Variants in ANO4 observed in about 807,000 individuals in gnomAD.
ANO4 encodes the protein anoctamin 4, also known as anoctamin-4.
In ANO4, 69 loss-of-function variants were observed where a neutral mutation model predicts 141.9. The observed-to-expected ratio is 0.49, with a 90% CI of 0.40 to 0.59. ANO4 has a LOEUF of 0.59. Among genes scored for constraint, ANO4 ranks in the 20% least tolerant of loss-of-function variants. The pLI is 0.00. For missense variants in ANO4, 894 were observed against 1,162.2 expected (o/e 0.77, Z 3.36); for synonymous variants, 350 against 394.3 (o/e 0.89, Z 1.33).
chr12:100,975,964 A>T (rs1461851857), intron 7 of ANO4, among the ~76,000 whole-genome samples: 3 of 147,648 alleles, frequency 2.0e-5, no homozygotes, highest in African/African-American at 7.5e-5. Flanking sequence ...AACCCACCAG[A>T]TGAAGATTGC....
intron 14 of ANO4, among the ~76,000 whole-genome samples, chr12:101,063,400 T>C (rs575207955): frequency 4.4e-4 from 67 of 152,384 alleles, no homozygotes; most frequent in Admixed American, 7.8e-4. Context: ...AATAATAGGA[T>C]GATCTTGCAT....
intron 1 of ANO4, among the ~76,000 whole-genome samples, chr12:100,869,453 C>T (rs566678306): frequency 8.3e-4 from 127 of 152,178 alleles, no homozygotes; most frequent in Non-Finnish European, 1.6e-3. Context: ...CAAATCTGTC[C>T]CCATGGGCAA....
At chr12:100,920,543 T>A (rs1241689828) in intron 2 of ANO4, among the ~76,000 whole-genome samples, 1 of 152,004 alleles carries the variant, frequency 6.6e-6, no homozygotes, top group Non-Finnish European at 1.5e-5. Context: ...TAACTGGCCA[T>A]GGAAGAAAAA....
intron 16 of ANO4, among the ~76,000 whole-genome samples, chr12:101,084,726 C>CTT (rs2049413839): frequency 1.3e-5 from 2 of 152,202 alleles, no homozygotes; most frequent in Admixed American, 1.3e-4. Context: ...CTGTGTCATG[C>CTT]TTTGCCTTCT....
chr12:100,923,155 A>G (rs778731583), intron 3 of ANO4, among the ~76,000 whole-genome samples: 3 of 151,974 alleles, frequency 2.0e-5, no homozygotes, highest in Non-Finnish European at 4.4e-5. Context: ...TTATTATTAT[A>G]CTTTAAGTTC....
intron 1 of ANO4, among the ~76,000 whole-genome samples, chr12:100,809,701 C>T (rs773010973): frequency 3.3e-5 from 5 of 152,252 alleles, no homozygotes; most frequent in Admixed American, 6.5e-5. Context: ...ATATGACATG[C>T]GCAAGAGGTT....
chr12:101,083,317 T>C (rs923836834), intron 15 of ANO4, among the ~76,000 whole-genome samples: 3 of 152,216 alleles, frequency 2.0e-5, no homozygotes, highest in Non-Finnish European at 4.4e-5. Context: ...TCTCTGGTAA[T>C]AAAAGTAAAA....
At chr12:100,797,841 C>T (rs1176518964) in intron 1 of ANO4, among the ~76,000 whole-genome samples, 1 of 152,152 alleles carries the variant, frequency 6.6e-6, no homozygotes, top group Non-Finnish European at 1.5e-5. Flanking sequence ...TACATGTACA[C>T]AGACAAACTC....
intron 22 of ANO4, among the ~76,000 whole-genome samples, chr12:101,108,829 C>G (rs2050552095): frequency 6.6e-6 from 1 of 151,926 alleles, no homozygotes; most frequent in Non-Finnish European, 1.5e-5. Flanking sequence ...GTTTCTATAC[C>G]TTACTTTTGC....
intron 22 of ANO4, among the ~76,000 whole-genome samples, chr12:101,102,542 T>G (rs190855562): frequency 1.0e-3 from 156 of 152,326 alleles, no homozygotes; most frequent in Non-Finnish European, 1.4e-3. Flanking sequence ...ATGTTTTTTT[T>G]GTGGGTATCT....
At chr12:100,927,118 G>A (rs761680546) in intron 3 of ANO4, among the ~76,000 whole-genome samples, 1 of 152,152 alleles carries the variant, frequency 6.6e-6, no homozygotes, top group Non-Finnish European at 1.5e-5. Context: ...AAGGTGGGCA[G>A]CTCAGTAGTA....
chr12:100,731,237 A>G (rs2031367159), intron 1 of ANO4, among the ~76,000 whole-genome samples: 1 of 152,236 alleles, frequency 6.6e-6, no homozygotes, highest in Non-Finnish European at 1.5e-5. Context: ...CATAATGTTC[A>G]AATGTTGCCT....
intron 15 of ANO4, among the ~76,000 whole-genome samples, chr12:101,080,045 C>G (rs371099512): frequency 1.3e-5 from 2 of 152,196 alleles, no homozygotes; most frequent in Non-Finnish European, 2.9e-5. Context: ...TATCTCTTAC[C>G]CCTCCTGAGT....
intron 1 of ANO4, among the ~76,000 whole-genome samples, chr12:100,805,379 A>G (rs918903826): frequency 1.3e-5 from 2 of 152,152 alleles, no homozygotes; most frequent in Non-Finnish European, 2.9e-5. Context: ...GAAGTCCGGT[A>G]GTGTGATGTC....
At position 101,020,158 on chromosome 12, in the gene ANO4, A is replaced by AC; in HGVS notation, c.841+18_841+19insC. On this transcript the variant is annotated intron_variant, in intron 9 of 27. Coordinates refer to ENST00000392977, the MANE Select transcript of ANO4 (RefSeq NM_001286615.2). ...CAAGATTGGTAAGTAGTATGTTAGTATAACAAACTACATTTGGCATTTGGG... is the reference window on the plus strand; with the variant it reads ...CAAGATTGGTAAGTAGTATGTTAGTACTAACAAACTACATTTGGCATTTGGG... 10 of 1,503,932 alleles carry AC rather than the reference A, an allele frequency of 6.6e-6. No homozygotes were observed. The highest frequency in any genetic ancestry group is 9.2e-6 in the Non-Finnish European group (10 of 1,084,484). The allele number at this position is 1,503,932 out of a possible 1,614,324, so 93.2% of individuals were successfully genotyped here. A position where few individuals can be genotyped will look rare whatever the true frequency, so the allele number is the denominator to read the frequency against.
chr12:100,825,522 A>G (rs1016107066), intron 1 of ANO4, among the ~76,000 whole-genome samples: 14 of 152,070 alleles, frequency 9.2e-5, no homozygotes, highest in Non-Finnish European at 1.9e-4. Context: ...TTAACTAGAC[A>G]CAAATGTCTA....
intron 14 of ANO4, among the ~76,000 whole-genome samples, chr12:101,056,337 T>C (rs1586105): frequency 0.44 from 66,165 of 151,910 alleles, 15,039 homozygotes; most frequent in African/African-American, 0.58. Context: ...TATGCCTATA[T>C]ATTGGATTTT....
chr12:101,003,608 ATCAG>A (rs892477389), intron 8 of ANO4, among the ~76,000 whole-genome samples: 3 of 152,216 alleles, frequency 2.0e-5, no homozygotes, highest in African/African-American at 7.2e-5. Flanking sequence ...CGCATGGCAC[ATCAG>A]TCTGTGAGCT....
chr12:101,060,600 T>A (rs1250875558), intron 14 of ANO4, among the ~76,000 whole-genome samples: 1 of 152,238 alleles, frequency 6.6e-6, no homozygotes, highest in African/African-American at 2.4e-5. Context: ...CAGTTAGCTC[T>A]TCTTGTTGCA....
Sources: allele counts gnomAD v4.1 joint callset (sites outside exome capture counted in the v4.1 genomes callset), GRCh38; gene constraint gnomAD v4.1.1; transcripts MANE v1.5; gene names NCBI Gene and HGNC (gene_info 2026-07-23, HGNC 2026-07-21).